Variants in SHANK2 observed in about 807,000 individuals in gnomAD.
SHANK2 encodes the protein SH3 and multiple ankyrin repeat domains protein 2.
In SHANK2, 43 loss-of-function variants were observed where a neutral mutation model predicts 133.7. The ratio of observed to expected loss-of-function variants is 0.32; its 90% CI spans 0.25 to 0.41. The LOEUF (loss-of-function observed/expected upper bound fraction) is 0.41. Ranked by LOEUF, SHANK2 falls within the 10% of genes least tolerant of loss-of-function variation. The probability of loss-of-function intolerance (pLI) is 1.00; values close to 1 mark genes in which losing one functional copy is unlikely to be tolerated. For missense variants in SHANK2, 1,994 were observed against 2,235.8 expected, an observed-to-expected ratio of 0.89 and a Z score of 2.18; for synonymous variants, 1,017 against 952.8, an observed-to-expected ratio of 1.07 and a Z score of -1.24.
At chr11:70,877,148 C>T (rs1049654883) in intron 11 of SHANK2, among the ~76,000 whole-genome samples, 6 of 152,212 alleles carry the variant, frequency 3.9e-5, no homozygotes, top group Non-Finnish European at 4.4e-5. Context: ...ACTAAAGGAG[C>T]AACAATGGTG....
At chr11:71,061,848 G>C (rs1033812530) in intron 9 of SHANK2, among the ~76,000 whole-genome samples, 128 of 152,126 alleles carry the variant, frequency 8.4e-4, no homozygotes, top group African/African-American at 2.7e-3. Context: ...TCCCGACCTA[G>C]CCCTTCCCCC....
chr11:70,878,817 A>G (rs1949612449), intron 11 of SHANK2, among the ~76,000 whole-genome samples: 1 of 152,290 alleles, frequency 6.6e-6, no homozygotes, highest in African/African-American at 2.4e-5. Context: ...AGCTTGTTCC[A>G]GGGTCATGAA....
intron 2 of SHANK2, among the ~76,000 whole-genome samples, chr11:71,171,573 G>A (rs1297694656): frequency 6.6e-6 from 1 of 152,112 alleles, no homozygotes; most frequent in Non-Finnish European, 1.5e-5. Context: ...CCAGCCCAGC[G>A]GCTCCATGCC....
At chr11:70,677,373 C>T (rs1349706765) in intron 15 of SHANK2, among the ~76,000 whole-genome samples, 3 of 152,178 alleles carry the variant, frequency 2.0e-5, no homozygotes, top group Non-Finnish European at 2.9e-5. Context: ...CACGTGGTGC[C>T]GAGTCTCCTC....
At chr11:71,166,850 G>A (rs1953162625) in intron 2 of SHANK2, among the ~76,000 whole-genome samples, 1 of 146,938 alleles carries the variant, frequency 6.8e-6, no homozygotes, top group African/African-American at 2.5e-5. Flanking sequence ...GGATTTGGCA[G>A]GGTCACAGGA....
intron 17 of SHANK2, among the ~76,000 whole-genome samples, chr11:70,649,924 G>T (rs369081135): frequency 6.6e-6 from 1 of 152,212 alleles, no homozygotes; most frequent in African/African-American, 2.4e-5. Context: ...AGGGCCCTGG[G>T]CAGGCTTCTT....
chr11:70,748,959 A>C (rs979655588), intron 14 of SHANK2, among the ~76,000 whole-genome samples: 2 of 151,996 alleles, frequency 1.3e-5, no homozygotes. Context: ...CAATCAGAAC[A>C]CTACACAACA....
chr11:70,491,437 C>T (rs1555155827), intron 22 of SHANK2, among the ~76,000 whole-genome samples: 1 of 152,160 alleles, frequency 6.6e-6, no homozygotes, highest in East Asian at 1.9e-4. Flanking sequence ...GAGGGGAAGT[C>T]CCCTTGTGGA....
Position 70,772,861 on chromosome 11 carries a change from T to C in SHANK2, c.1777+25582A>G, listed in dbSNP as rs191832558. Among the ~76,000 whole-genome samples the C allele has an allele frequency of 6.4e-4, 97 of 152,366 alleles. 1 individual carries two copies. Among genetic ancestry groups the C allele is most frequent in the African/African-American group, 2.3e-3 (96 of 41,596 alleles). ...CTTTGTCAAAAAGTACAAAAGCGTCTTGCTTGGGTCACTTCTCTGCATTTC... is the reference window on the plus strand; with the variant it reads ...CTTTGTCAAAAAGTACAAAAGCGTCCTGCTTGGGTCACTTCTCTGCATTTC... On this transcript the variant is annotated intron_variant, in intron 14 of 25. Transcript: ENST00000601538.
chr11:71,176,144 G>A (rs1555113078), intron 2 of SHANK2, among the ~76,000 whole-genome samples: 1 of 152,152 alleles, frequency 6.6e-6, no homozygotes, highest in Non-Finnish European at 1.5e-5. Flanking sequence ...CTCACTTAAT[G>A]GGAAATAATC....
chr11:71,236,200 A>G (rs1181544415), intron 1 of SHANK2, among the ~76,000 whole-genome samples: 1 of 152,230 alleles, frequency 6.6e-6, no homozygotes, highest in African/African-American at 2.4e-5. Flanking sequence ...GCAACGGGGC[A>G]GACTGAAATT....
intron 5 of SHANK2, among the ~76,000 whole-genome samples, chr11:71,110,469 C>T (rs542276508): frequency 4.2e-4 from 64 of 152,082 alleles, no homozygotes; most frequent in Non-Finnish European, 8.4e-4. Context: ...ATTAGCTAGA[C>T]GTGGTGGCAC....
In SHANK2 at chr11:71,175,284, C is replaced by G. The variant is rs1436461084; in HGVS notation, c.-12-27946G>C. Among the ~76,000 whole-genome samples, 1 of 152,270 alleles carries G rather than the reference C, an allele frequency of 6.6e-6. No individual in the cohort carries two copies. The highest frequency in any genetic ancestry group is 1.9e-4 in the East Asian group (1 of 5,174). On this transcript the variant is annotated intron_variant, in intron 2 of 25. Transcript: ENST00000601538. This position sits in a 1 kb window ranked among gnomAD's most constrained non-coding sequence, Gnocchi z 4.2. ...TTCCTGGATGGGCATGGGAACAACA[C>G]AGCTGAGCATGACAGGTCGCCCCAG...
chr11:70,575,968 G>A (rs2060110881), intron 17 of SHANK2, among the ~76,000 whole-genome samples: 2 of 151,956 alleles, frequency 1.3e-5, no homozygotes, highest in African/African-American at 4.8e-5. Context: ...ATTATTTGTT[G>A]GTGGAGACAC....
At chr11:71,067,090 G>C (rs1447034827) in intron 9 of SHANK2, among the ~76,000 whole-genome samples, 3 of 152,188 alleles carry the variant, frequency 2.0e-5, no homozygotes, top group African/African-American at 7.2e-5. Context: ...ACCAGAGCTG[G>C]GGGAGGTGAA....
At chr11:71,211,034 A>G (rs1954266462) in intron 2 of SHANK2, among the ~76,000 whole-genome samples, 1 of 151,990 alleles carries the variant, frequency 6.6e-6, no homozygotes, top group African/African-American at 2.4e-5. Flanking sequence ...GTCCTGTTTC[A>G]GGGGGGTCCC....
At chr11:70,712,843 C>T (rs1390260533) in intron 14 of SHANK2, among the ~76,000 whole-genome samples, 1 of 152,256 alleles carries the variant, frequency 6.6e-6, no homozygotes. Context: ...TGGAAGCTGC[C>T]TATCTGCTGG....
chr11:70,862,890 C>T (rs374736697), intron 11 of SHANK2: 1 of 259,614 alleles, frequency 3.9e-6, no homozygotes, highest in Non-Finnish European at 7.6e-6. Context: ...GAGGAGGAGA[C>T]ATGGGTGTGG....
At chr11:70,545,403 G>C (rs2059678559) in intron 17 of SHANK2, among the ~76,000 whole-genome samples, 1 of 152,162 alleles carries the variant, frequency 6.6e-6, no homozygotes, top group Non-Finnish European at 1.5e-5. Context: ...GGCTGGCCAA[G>C]CAGGGGAGTC....
Sources: gnomAD v4.1 joint callset for allele counts (sites outside exome capture counted in the v4.1 genomes callset) on GRCh38, gnomAD v4.1.1 for gene constraint, Gnocchi (gnomAD v3.1) non-coding constraint, MANE v1.5 for transcripts, NCBI Gene and HGNC (gene_info 2026-07-23, HGNC 2026-07-21) for gene names.